CHN2: variants seen among roughly 807,000 people sequenced by gnomAD.
CHN2 encodes the protein beta-chimaerin.
CHN2 carries 35 observed loss-of-function variants against 56.3 expected under a neutral mutation model. That is an observed-to-expected ratio of 0.62 (90% CI 0.47 to 0.82). The LOEUF is 0.82. Ranked by LOEUF, CHN2 falls within the 40% of genes least tolerant of loss-of-function variation. CHN2 has a pLI of 0.00. For synonymous variants in CHN2, 210 were observed against 212.8 expected (o/e 0.99, Z 0.12); for missense variants, 491 against 580.5 (o/e 0.85, Z 1.58).
intron 1 of CHN2, among the ~76,000 whole-genome samples, chr7:29,290,423 T>C (rs762558854): frequency 1.6e-4 from 24 of 152,314 alleles, no homozygotes; most frequent in East Asian, 5.8e-4. Context: ...CTGAAGAATA[T>C]AGTCAGCCTG....
intron 2 of CHN2, among the ~76,000 whole-genome samples, chr7:29,361,250 G>A (rs1292225879): frequency 6.6e-6 from 1 of 152,214 alleles, no homozygotes; most frequent in Non-Finnish European, 1.5e-5. Flanking sequence ...ATTCAACTCT[G>A]CCTCAGAGAT....
At chr7:29,308,186 T>G (rs1794313371) in intron 1 of CHN2, among the ~76,000 whole-genome samples, 1 of 152,196 alleles carries the variant, frequency 6.6e-6, no homozygotes, top group Admixed American at 6.5e-5. Context: ...CCTTACCTTA[T>G]GTTACGCTGC....
chr7:29,270,471 A>G (rs1157764023), intron 1 of CHN2, among the ~76,000 whole-genome samples: 1 of 143,534 alleles, frequency 7.0e-6, no homozygotes, highest in Non-Finnish European at 1.5e-5. Context: ...CCTGGCCCAC[A>G]TGGTGAAACC....
intron 1 of CHN2, among the ~76,000 whole-genome samples, chr7:29,336,758 TCAAAAAAAAAA>T (rs1562527206): frequency 3.0e-5 from 1 of 33,052 alleles, no homozygotes. Flanking sequence ...AGATTCTGTC[TCAAAAAAAAAA>T]AAAAAAAAAA....
chr7:29,287,699 G>A (rs1423501746), intron 1 of CHN2, among the ~76,000 whole-genome samples: 1 of 152,164 alleles, frequency 6.6e-6, no homozygotes, highest in East Asian at 1.9e-4. Context: ...TTTGGGTTGT[G>A]TTTGTTGTCA....
chr7:29,195,649 T>TGTGA (rs1554358914), intron 1 of CHN2, among the ~76,000 whole-genome samples: 7,349 of 130,174 alleles, frequency 0.056, 250 homozygotes, highest in East Asian at 0.09. Flanking sequence ...TGTGTGTGTG[T>TGTGA]GAGAGAGAGA....
intron 6 of CHN2, among the ~76,000 whole-genome samples, chr7:29,455,106 G>A (rs1003382376): frequency 6.6e-6 from 1 of 152,106 alleles, no homozygotes; most frequent in Non-Finnish European, 1.5e-5. Flanking sequence ...CTCCCACCAT[G>A]GCTGATTCCA....
chr7:29,316,260 C>G (rs1794946264), intron 1 of CHN2, among the ~76,000 whole-genome samples: 1 of 152,176 alleles, frequency 6.6e-6, no homozygotes, highest in Admixed American at 6.5e-5. Context: ...CATTTAGATT[C>G]TGGATAAATA....
At chr7:29,382,623 G>A (rs1398957588) in intron 3 of CHN2, among the ~76,000 whole-genome samples, 1 of 152,154 alleles carries the variant, frequency 6.6e-6, no homozygotes, top group Non-Finnish European at 1.5e-5. Context: ...GAAGAAACAG[G>A]AGCCCTTCCC....
intron 2 of CHN2, among the ~76,000 whole-genome samples, chr7:29,364,578 G>A (rs1200916689): frequency 2.0e-5 from 3 of 152,138 alleles, no homozygotes; most frequent in Admixed American, 2.0e-4. Flanking sequence ...TAGTAGTTTT[G>A]GGGGTGATTC....
intron 1 of CHN2, among the ~76,000 whole-genome samples, chr7:29,224,324 T>C (rs1381201786): frequency 6.6e-6 from 1 of 152,210 alleles, no homozygotes; most frequent in Non-Finnish European, 1.5e-5. Context: ...CTGAAAAGGA[T>C]AGACTTTTAG....
upstream of CHN2, chr7:29,192,296 C>T (rs1782991260): frequency 1.3e-5 from 2 of 152,202 alleles, no homozygotes; most frequent in African/African-American, 4.8e-5. Context: ...ACCCCCGTCC[C>T]TTCATCTGTC....
chr7:29,321,296 A>G (rs750220623), intron 1 of CHN2, among the ~76,000 whole-genome samples: 1 of 152,164 alleles, frequency 6.6e-6, no homozygotes, highest in Admixed American at 6.5e-5. Context: ...TGTGCTCAGC[A>G]GTCTATAGAG....
rs1791441738 is a variant in CHN2 at position 29,511,724 on chromosome 7, C to G, written c.1236-840C>G. Among the ~76,000 whole-genome samples the G allele has an allele frequency of 2.6e-5, 4 of 151,776 alleles. No individual in the cohort carries two copies. The South Asian group carries it at 8.3e-4, about 32-fold the overall frequency. The stretch of plus-strand genomic sequence containing the variant: ...CTAAACACATTTTAATTATATTTTC[C>G]TAAACACATTTTAATTATATTTTGC... On this transcript the variant is annotated intron_variant, in intron 12 of 12. Coordinates refer to ENST00000222792, the MANE Select transcript of CHN2 (RefSeq NM_004067.4).
At chr7:29,292,743 G>A (rs1391030134) in intron 1 of CHN2, 1 of 354,142 alleles carries the variant, frequency 2.8e-6, no homozygotes, top group Non-Finnish European at 5.7e-6. Context: ...TGGTTTGGGG[G>A]GAAAAGTAAA....
rs138365212 is a variant in CHN2 at position 29,196,539 on chromosome 7, A to G, written c.49+1549A>G. 5.4e-3 allele frequency among the ~76,000 whole-genome samples: 830 copies of G among 152,356 alleles called. 10 individuals are homozygous for G. Among genetic ancestry groups the G allele is most frequent in the African/African-American group, 0.018 (756 of 41,580 alleles). ...GGTTGACTAACATTGAATTTAAAAT[A>G]CAGTGGTGTTGGCTTTCTATTAGCA... On this transcript the variant is annotated intron_variant, in intron 1 of 12. Coordinates refer to ENST00000222792, the MANE Select transcript of CHN2 (RefSeq NM_004067.4).
chr7:29,316,958 C>T (rs562800681), intron 1 of CHN2, among the ~76,000 whole-genome samples: 35 of 152,192 alleles, frequency 2.3e-4, no homozygotes, highest in Admixed American at 1.9e-3. Context: ...AAATAGGTTT[C>T]GATTTAGTCA....
At chr7:29,250,270 G>A (rs60298513) in intron 1 of CHN2, among the ~76,000 whole-genome samples, 10 of 152,294 alleles carry the variant, frequency 6.6e-5, no homozygotes, top group African/African-American at 2.2e-4. Flanking sequence ...TTGCAAAAAT[G>A]AAATTATATA....
At chr7:29,275,608 A>G (rs1301383419) in intron 1 of CHN2, among the ~76,000 whole-genome samples, 5 of 152,330 alleles carry the variant, frequency 3.3e-5, no homozygotes, top group Admixed American at 3.3e-4. Flanking sequence ...GCCAGCACTG[A>G]GCTAAGTACT....
Sources: gnomAD v4.1 joint callset for allele counts (sites outside exome capture counted in the v4.1 genomes callset) on GRCh38, gnomAD v4.1.1 for gene constraint, MANE v1.5 for transcripts, NCBI Gene and HGNC (gene_info 2026-07-23, HGNC 2026-07-21) for gene names.